Variants in FEZ1 observed in about 807,000 individuals in gnomAD.
FEZ1 encodes fasciculation and elongation protein zeta-1.
A neutral mutation model predicts 49.3 loss-of-function variants in FEZ1; 20 were observed. The observed-to-expected ratio is 0.41, with a 90% CI of 0.29 to 0.59. The LOEUF (loss-of-function observed/expected upper bound fraction) is 0.59, where lower values mean the gene tolerates loss of function less well. FEZ1 is among the 20% of genes least tolerant of loss of function. The pLI, the probability that FEZ1 is intolerant of heterozygous loss-of-function variation, is 0.36. For missense variants in FEZ1, 413 were observed against 476.0 expected, an observed-to-expected ratio of 0.87 and a Z score of 1.23; for synonymous variants, 170 against 180.9, an observed-to-expected ratio of 0.94 and a Z score of 0.48.
Position 125,479,515 on chromosome 11 carries a change from T to C in FEZ1, c.411+2019A>G, listed in dbSNP as rs577593043. Among the ~76,000 whole-genome samples the C allele has an allele frequency of 3.9e-5, 6 of 152,370 alleles. No individual in the cohort carries two copies. The East Asian group carries it at 9.6e-4, about 24-fold the overall frequency. On this transcript the variant is annotated intron_variant, in intron 3 of 9. Transcript: ENST00000278919. ...TTAACATAGAGCCATTAAATGATTT[T>C]ATCTTTTGCTGTGCTCTGAATGTTT... is the stretch of plus-strand genomic sequence containing the variant.
intron 2 of FEZ1, among the ~76,000 whole-genome samples, chr11:125,485,780 C>CAA (rs541680089): frequency 0.22 from 24,798 of 113,874 alleles, 2,240 homozygotes; most frequent in African/African-American, 0.26. Flanking sequence ...TACTAAAAGA[C>CAA]AAAAAAAAAA....
chr11:125,447,689 G>A (rs1178059607), intron 9 of FEZ1, among the ~76,000 whole-genome samples: 3 of 152,070 alleles, frequency 2.0e-5, no homozygotes, highest in Non-Finnish European at 2.9e-5. Flanking sequence ...GAGCATGGTG[G>A]CAGGCGCCTG....
intron 8 of FEZ1, among the ~76,000 whole-genome samples, chr11:125,449,446 A>G (rs1956932559): frequency 1.4e-5 from 2 of 147,732 alleles, no homozygotes; most frequent in South Asian, 2.1e-4. Context: ...AAAAAAAAGA[A>G]GAAGAGGAAG....
Position 125,489,763 on chromosome 11 carries a change from C to A in FEZ1, c.15G>T (p.Leu5=). MEAP[L]VSLDEEFEDL... ...CCTCAAACTCTTCATCCAGACTCAC[C>A]AGTGGGGCCTCCATTCTTGCTCAGC... Residue 5 remains leucine (L), a synonymous_variant, in exon 2 of 10, where the codon CTG becomes CTT. Transcript: ENST00000278919. The surrounding 1 kb of genome is among the most constrained non-coding windows in gnomAD (Gnocchi z 4.2). 1 of 1,539,104 alleles carries A rather than the reference C, an allele frequency of 6.5e-7. No individual in the cohort carries two copies. Among genetic ancestry groups the A allele is most frequent in the African/African-American group, 1.4e-5 (1 of 72,380 alleles).
rs543432415 is a variant in FEZ1, at chr11:125,445,028, A to G, written c.*1067T>C. 6.6e-6 allele frequency among the ~76,000 whole-genome samples: 1 copy of G among 152,330 alleles called. No homozygotes were observed. The highest frequency in any genetic ancestry group is 6.5e-5 in the Admixed American group (1 of 15,302). On this transcript the variant is annotated 3_prime_UTR_variant, in exon 10 of 10. Transcript: ENST00000278919. The surrounding 1 kb of genome is among the most constrained non-coding windows in gnomAD (Gnocchi z 4.4). Reference sequence around the variant, plus strand: ...TCTTTCAAGCCAGAAGACGGAAGCCAACAGAATTCAGACTGTGGTGAGATC... The same window carrying G: ...TCTTTCAAGCCAGAAGACGGAAGCCGACAGAATTCAGACTGTGGTGAGATC...
At chr11:125,450,518 G>A (rs769278372) in intron 8 of FEZ1, among the ~76,000 whole-genome samples, 1 of 152,198 alleles carries the variant, frequency 6.6e-6, no homozygotes, top group Non-Finnish European at 1.5e-5. Flanking sequence ...TTGGCTAGTC[G>A]CAGGAGCTGG....
chr11:125,451,953 A>G (rs866393840), intron 8 of FEZ1, among the ~76,000 whole-genome samples: 1 of 152,216 alleles, frequency 6.6e-6, no homozygotes, highest in Non-Finnish European at 1.5e-5. Context: ...TTCAAGGGGC[A>G]CAAGTGCCGA....
intron 1 of FEZ1, among the ~76,000 whole-genome samples, chr11:125,492,648 C>G (rs1957392592): frequency 6.6e-6 from 1 of 152,184 alleles, no homozygotes; most frequent in East Asian, 1.9e-4. Flanking sequence ...AGACTTTGGG[C>G]AAGTTATCAA....
Position 125,452,370 on chromosome 11 carries a change from G to A in FEZ1, c.1060C>T (p.Pro354Ser), listed in dbSNP as rs747858697. Residue 354 changes from proline to serine, a missense_variant, in exon 8 of 10, where the codon CCT becomes TCT. Transcript: ENST00000278919. ...TVIPYEKKASPPSVEDLQMLT... is the reference protein window; with the variant it reads ...TVIPYEKKASSPSVEDLQMLT... ...ATCTGCAGGTCTTCCACTGAGGGAGGAGAGGCTTTCTTCTCGTAAGGAATG... is the reference window on the plus strand; with the variant it reads ...ATCTGCAGGTCTTCCACTGAGGGAGAAGAGGCTTTCTTCTCGTAAGGAATG... The A allele has an allele frequency of 6.2e-7, 1 of 1,613,216 alleles. No individual in the cohort carries two copies. Among genetic ancestry groups the A allele is most frequent in the Non-Finnish European group, 8.5e-7 (1 of 1,179,118 alleles).
At chr11:125,448,942 C>T (rs371701744) in intron 8 of FEZ1, among the ~76,000 whole-genome samples, 4 of 151,970 alleles carry the variant, frequency 2.6e-5, no homozygotes, top group Non-Finnish European at 5.9e-5. Context: ...AGAGGCATCA[C>T]GCAATATGCC....
chr11:125,447,189 C>CA (rs1335490164), intron 9 of FEZ1, among the ~76,000 whole-genome samples: 1 of 152,152 alleles, frequency 6.6e-6, no homozygotes, highest in African/African-American at 2.4e-5. Context: ...TAGTGCTTAT[C>CA]AAAAAATCGG....
At position 125,457,464 on chromosome 11, in the gene FEZ1, A is replaced by ATATATGTGTG. The variant is rs1491137202; in HGVS notation, c.668-1359_668-1358insCACACATATA. Among the ~76,000 whole-genome samples, 171 of 60,076 alleles carry ATATATGTGTG rather than the reference A, an allele frequency of 2.8e-3. 1 individual carries two copies. Among genetic ancestry groups the ATATATGTGTG allele is most frequent in the African/African-American group, 9.7e-3 (166 of 17,196 alleles). The allele number at this position is 60,076 out of a possible 152,430, so 39.4% of individuals were successfully genotyped here. Reference sequence around the variant, plus strand: ...TATATATATATATGTATATATACACATATATATGTATATATACACATATAT... The same window carrying ATATATGTGTG: ...TATATATATATATGTATATATACACATATATGTGTGTATATATGTATATATACACATATAT... On this transcript the variant is annotated intron_variant, in intron 5 of 9. Coordinates refer to ENST00000278919, the MANE Select transcript of FEZ1 (RefSeq NM_005103.5).
chr11:125,443,819 T>C lies in FEZ1; in HGVS notation c.*2276A>G, dbSNP rs1441267257. ...CCTGCTCACCTCCTCCTAGCCAGAG[T>C]GTATCCCCAACACTCGAGATTTATT... On this transcript the variant is annotated 3_prime_UTR_variant, in exon 10 of 10. Coordinates refer to ENST00000278919, the MANE Select transcript of FEZ1 (RefSeq NM_005103.5). 6.6e-6 allele frequency among the ~76,000 whole-genome samples: 1 copy of C among 151,990 alleles called. No individual in the cohort carries two copies. The highest frequency in any genetic ancestry group is 2.4e-5 in the African/African-American group (1 of 41,370).
In FEZ1 at chr11:125,444,456, A is replaced by C. The variant is rs1956879961; in HGVS notation, c.*1639T>G. Among the ~76,000 whole-genome samples, 1 of 152,164 alleles carries C rather than the reference A, an allele frequency of 6.6e-6. No homozygotes were observed. The highest frequency in any genetic ancestry group is 2.4e-5 in the African/African-American group (1 of 41,448). On this transcript the variant is annotated 3_prime_UTR_variant, in exon 10 of 10. Coordinates refer to ENST00000278919, the MANE Select transcript of FEZ1 (RefSeq NM_005103.5). ...TAAAATTAGCTGGGTGTGGTGCTGCATGCCTGTAATCCCAGCTACTCGGGA... is the reference window on the plus strand; with the variant it reads ...TAAAATTAGCTGGGTGTGGTGCTGCCTGCCTGTAATCCCAGCTACTCGGGA...
rs935731689 is a variant in FEZ1, at chr11:125,489,912, C to A, written c.-45-90G>T. On this transcript the variant is annotated intron_variant, in intron 1 of 9. Transcript: ENST00000278919. The surrounding 1 kb of genome is among the most constrained non-coding windows in gnomAD (Gnocchi z 4.2). ...TAGAGACACACCTGCTTCCAATTCC[C>A]TACTCCAAAAAACAAGGCACTGGTT... 1 of 1,205,236 alleles carries A rather than the reference C, an allele frequency of 8.3e-7. No individual in the cohort carries two copies. The highest frequency in any genetic ancestry group is 1.1e-6 in the Non-Finnish European group (1 of 913,300). The allele number at this position is 1,205,236 out of a possible 1,614,324, so 74.7% of individuals were successfully genotyped here.
intron 3 of FEZ1, among the ~76,000 whole-genome samples, chr11:125,480,827 C>G (rs1957272294): frequency 6.6e-6 from 1 of 152,084 alleles, no homozygotes; most frequent in Non-Finnish European, 1.5e-5. Flanking sequence ...ATCACGGGGT[C>G]AGGAGATCAA....
rs914678939 is a variant in FEZ1, at chr11:125,463,649, A to G, written c.412-79T>C. On this transcript the variant is annotated intron_variant, in intron 3 of 9. Transcript: ENST00000278919. ...TTGCCTCTAGTCTCGAGAATGGATGATACTGACTGGGAGGCCACTCCAGCC... is the reference window on the plus strand; with the variant it reads ...TTGCCTCTAGTCTCGAGAATGGATGGTACTGACTGGGAGGCCACTCCAGCC... 3 of 858,486 alleles carry G rather than the reference A, an allele frequency of 3.5e-6. No homozygotes were observed. In the African/African-American group the frequency reaches 5.0e-5, roughly 14 times the overall value. The allele number at this position is 858,486 out of a possible 1,614,324, so 53.2% of individuals were successfully genotyped here.
In FEZ1 at chr11:125,443,802, C is replaced by T. The variant is rs2135729588; in HGVS notation, c.*2293G>A. ...CACTGTTTTCAGCCTGCCCTGCTCA[C>T]CTCCTCCTAGCCAGAGTGTATCCCC... On this transcript the variant is annotated 3_prime_UTR_variant, in exon 10 of 10. Coordinates refer to ENST00000278919, the MANE Select transcript of FEZ1 (RefSeq NM_005103.5). 1.3e-5 allele frequency among the ~76,000 whole-genome samples: 2 copies of T among 152,298 alleles called. No homozygotes were observed. Among genetic ancestry groups the T allele is most frequent in the East Asian group, 3.9e-4 (2 of 5,176 alleles).
chr11:125,458,163 C>G (rs1957038112), intron 5 of FEZ1, among the ~76,000 whole-genome samples: 1 of 152,212 alleles, frequency 6.6e-6, no homozygotes, highest in South Asian at 2.1e-4. Context: ...TTGCAGGATG[C>G]AGGCCTCCAG....
Sources: allele counts gnomAD v4.1 joint callset (sites outside exome capture counted in the v4.1 genomes callset), GRCh38; gene constraint gnomAD v4.1.1; non-coding constraint Gnocchi (gnomAD v3.1); transcripts MANE v1.5; gene names NCBI Gene and HGNC (gene_info 2026-07-23, HGNC 2026-07-21).